Variants in SLC35D1 observed in about 807,000 individuals in gnomAD.
SLC35D1 encodes nucleotide sugar transporter SLC35D1.
A neutral mutation model predicts 46.7 loss-of-function variants in SLC35D1; 31 were observed. That is an observed-to-expected ratio of 0.66 (90% confidence interval 0.50 to 0.90). The LOEUF (loss-of-function observed/expected upper bound fraction) is 0.90, where lower values mean the gene tolerates loss of function less well. SLC35D1 is among the 40% of genes least tolerant of loss of function. The pLI, the probability that SLC35D1 is intolerant of heterozygous loss-of-function variation, is 0.00. For synonymous variants in SLC35D1, 195 were observed against 164.6 expected, an observed-to-expected ratio of 1.18 and a Z score of -1.41; for missense variants, 397 against 426.2, an observed-to-expected ratio of 0.93 and a Z score of 0.60.
chr1:67,048,813 A>G (rs947407457), intron 6 of SLC35D1, among the ~76,000 whole-genome samples: 1 of 152,250 alleles, frequency 6.6e-6, no homozygotes, highest in Admixed American at 6.5e-5. Context: ...ACTAAAACTT[A>G]AGAAAAATGG....
intron 8 of SLC35D1, among the ~76,000 whole-genome samples, 185 bp from the exon 9 acceptor site, chr1:67,021,787 G>A (rs1251207741): frequency 6.7e-6 from 1 of 148,476 alleles, no homozygotes; most frequent in African/African-American, 2.5e-5. Flanking sequence ...ATTACTCCAA[G>A]GATAGAGAGT....
Position 67,050,508 on chromosome 1 carries a change from GA to G in SLC35D1, c.393-5del, listed in dbSNP as rs5774854. On this transcript the variant is annotated splice_polypyrimidine_tract_variant and splice_region_variant and intron_variant, in intron 4 of 11. Transcript: ENST00000235345. ...CAGAACTGTAAACATTGGCAAGCTG[GA>G]AAAAAAAAAGATAATTAGGTAAAAT... The G allele has an allele frequency of 0.076, 112,348 of 1,470,714 alleles. 7,923 individuals carry two copies. Among genetic ancestry groups the G allele is most frequent in the African/African-American group, 0.43 (28,023 of 64,816 alleles). The allele number at this position is 1,470,714 out of a possible 1,614,324, so 91.1% of individuals were successfully genotyped here.
rs1466746365 is a variant in SLC35D1 at position 67,005,527 on chromosome 1, CCCAA to C, written c.960-1083_960-1080del. Among the ~76,000 whole-genome samples the C allele has an allele frequency of 2.6e-5, 4 of 152,204 alleles. 1 individual carries two copies. Among genetic ancestry groups the C allele is most frequent in the Non-Finnish European group, 5.9e-5 (4 of 68,032 alleles). ...ATAAAGCCTTTTCCAATTTAACCTTCCCAACCAGATTCTTCCTTTTCCTCATCTG... is the reference window on the plus strand; with the variant it reads ...ATAAAGCCTTTTCCAATTTAACCTTCCCAGATTCTTCCTTTTCCTCATCTG... On this transcript the variant is annotated intron_variant, in intron 11 of 11. Coordinates refer to ENST00000235345, the MANE Select transcript of SLC35D1 (RefSeq NM_015139.3).
chr1:67,004,094 A>G lies in SLC35D1; in HGVS notation c.*246T>C, dbSNP rs1667396558. On this transcript the variant is annotated 3_prime_UTR_variant, in exon 12 of 12. Coordinates refer to ENST00000235345, the MANE Select transcript of SLC35D1 (RefSeq NM_015139.3). ...TGTCGGCATATAAGAAAAATAAATT[A>G]AAAAGCCCAGTACCTTTTCCAGTCT... 4.7e-6 allele frequency: 2 copies of G among 425,402 alleles called. No individual in the cohort carries two copies. Among genetic ancestry groups the G allele is most frequent in the Non-Finnish European group, 8.7e-6 (2 of 230,942 alleles). 26.4% of individuals were successfully genotyped at this position (425,402 alleles called of 1,614,324 possible). A position where few individuals can be genotyped will look rare whatever the true frequency, so the allele number is the denominator to read the frequency against.
intron 7 of SLC35D1, among the ~76,000 whole-genome samples, chr1:67,043,214 A>T (rs1343280899): frequency 6.6e-6 from 1 of 151,662 alleles, no homozygotes; most frequent in East Asian, 1.9e-4. Context: ...AAACAAAAAA[A>T]CCTAGCCGAG....
At chr1:67,015,984 T>C (rs1390638487) in intron 10 of SLC35D1, among the ~76,000 whole-genome samples, 1 of 152,104 alleles carries the variant, frequency 6.6e-6, no homozygotes, top group Non-Finnish European at 1.5e-5. Flanking sequence ...ATTCAGTTTT[T>C]TTGACCTCAA....
chr1:66,981,803 C>T, the SLC35D1 span: 30 of 1,613,458 alleles, frequency 1.9e-5, no homozygotes, highest in Middle Eastern at 1.6e-4. Flanking sequence ...GTCTTCTAGA[C>T]GAAAGTGAAA....
chr1:66,996,292 T>C (rs1255737231), downstream of SLC35D1, among the ~76,000 whole-genome samples: 1 of 152,252 alleles, frequency 6.6e-6, no homozygotes, highest in Non-Finnish European at 1.5e-5. Flanking sequence ...CCTTCTCAGA[T>C]TAAACCAGCC....
chr1:66,986,239 CTGTG>C, the SLC35D1 span: 1 of 1,328,446 alleles, frequency 7.5e-7, no homozygotes, highest in African/African-American at 1.5e-5. Flanking sequence ...AATCATTGCT[CTGTG>C]TGATTACAGA....
the SLC35D1 span, among the ~76,000 whole-genome samples, chr1:66,976,236 T>G: frequency 6.0e-5 from 9 of 150,512 alleles, no homozygotes; most frequent in Non-Finnish European, 4.4e-5. Context: ...ACTCCTGACC[T>G]CGTGATCCAC....
intron 10 of SLC35D1, among the ~76,000 whole-genome samples, chr1:67,013,015 ATC>A (rs796821556): frequency 4.7e-4 from 71 of 151,916 alleles, no homozygotes; most frequent in African/African-American, 1.7e-3. Context: ...CAAAAATATC[ATC>A]TGTTTGTCCC....
the SLC35D1 span, among the ~76,000 whole-genome samples, chr1:66,983,050 A>G: frequency 1.1e-4 from 17 of 152,320 alleles, no homozygotes; most frequent in East Asian, 1.9e-3. Flanking sequence ...TTAAGAAACT[A>G]TTTGATGAGA....
At chr1:66,980,785 A>G in the SLC35D1 span, among the ~76,000 whole-genome samples, 3 of 151,964 alleles carry the variant, frequency 2.0e-5, no homozygotes, top group Non-Finnish European at 2.9e-5. Context: ...ACCTTGGGGA[A>G]TTCTAGTGCA....
At chr1:66,976,823 A>ACC in the SLC35D1 span, 1 of 1,037,530 alleles carries the variant, frequency 9.6e-7, no homozygotes, top group Non-Finnish European at 1.3e-6. Flanking sequence ...GCTTTTATAT[A>ACC]CTTGATCTTA....
chr1:66,997,519 A>AAAAAATATATAT (rs1553262615), downstream of SLC35D1, among the ~76,000 whole-genome samples: 1 of 74,070 alleles, frequency 1.4e-5, no homozygotes, highest in Admixed American at 2.0e-4. Flanking sequence ...AAAAAAAAAA[A>AAAAAATATATAT]ATATATATAT....
At chr1:67,050,564 T>C in intron 4 of SLC35D1, 60 bp from the exon 5 acceptor site, 1 of 1,388,626 alleles carries the variant, frequency 7.2e-7, no homozygotes, top group Non-Finnish European at 1.0e-6. Context: ...TAAACTAAGA[T>C]TTTCCAAATT....
the SLC35D1 span, among the ~76,000 whole-genome samples, chr1:66,975,584 C>T: frequency 1.3e-5 from 2 of 151,868 alleles, no homozygotes; most frequent in African/African-American, 2.4e-5. Flanking sequence ...ATACATCAGC[C>T]CTAAATCCTC....
the SLC35D1 span, among the ~76,000 whole-genome samples, chr1:66,977,605 A>G: frequency 3.3e-5 from 5 of 152,136 alleles, no homozygotes; most frequent in Admixed American, 1.3e-4. Flanking sequence ...TTCCCATGTT[A>G]AGAGAATTTA....
At chr1:66,990,961 A>G in the SLC35D1 span, among the ~76,000 whole-genome samples, 3 of 152,190 alleles carry the variant, frequency 2.0e-5, no homozygotes, top group Non-Finnish European at 4.4e-5. Context: ...ATTAGCATAT[A>G]GGTTATAGCA....
Sources: allele counts gnomAD v4.1 joint callset (sites outside exome capture counted in the v4.1 genomes callset), GRCh38; gene constraint gnomAD v4.1.1; transcripts MANE v1.5; gene names NCBI Gene and HGNC (gene_info 2026-07-23, HGNC 2026-07-21).